Variants in SH2D1B observed in about 807,000 individuals in gnomAD.
SH2D1B encodes the protein SH2 domain-containing protein 1B.
Under a neutral mutation model 16.3 loss-of-function variants are expected in SH2D1B, and 11 were observed. The ratio of observed to expected loss-of-function variants is 0.67; its 90% CI spans 0.42 to 1.11. SH2D1B has a LOEUF of 1.11. SH2D1B is among the 50% of genes most tolerant of loss of function. The probability of loss-of-function intolerance (pLI) is 0.00; values close to 1 mark genes in which losing one functional copy is unlikely to be tolerated. For synonymous variants in SH2D1B, 55 were observed against 56.1 expected, an observed-to-expected ratio of 0.98 and a Z score of 0.09; for missense variants, 123 against 153.1, an observed-to-expected ratio of 0.80 and a Z score of 1.04.
At chr1:162,397,433 C>A in intron 3 of SH2D1B, 118 bp from the exon 4 acceptor site, 2 of 1,046,978 alleles carry the variant, frequency 1.9e-6, no homozygotes, top group Non-Finnish European at 2.9e-6. Context: ...ATGTTGATGC[C>A]ACCTGAAAGT....
chr1:162,409,866 C>T (rs72703857), intron 1 of SH2D1B, among the ~76,000 whole-genome samples: 34,613 of 152,022 alleles, frequency 0.23, 4,817 homozygotes, highest in Non-Finnish European at 0.3. Flanking sequence ...TGAGCCACCG[C>T]GCCTGGCCAA....
At chr1:162,408,078 C>T (rs998225648) in intron 1 of SH2D1B, among the ~76,000 whole-genome samples, 3 of 152,176 alleles carry the variant, frequency 2.0e-5, no homozygotes, top group Non-Finnish European at 4.4e-5. Flanking sequence ...TCTTTATTTT[C>T]CCCACTAGGC....
intron 1 of SH2D1B, among the ~76,000 whole-genome samples, chr1:162,407,640 G>A (rs1019834449): frequency 6.6e-6 from 1 of 152,172 alleles, no homozygotes; most frequent in Admixed American, 6.5e-5. Context: ...AAGACAAGCA[G>A]GCTAACACTT....
At chr1:162,398,217 C>T (rs1483175165) in intron 3 of SH2D1B, among the ~76,000 whole-genome samples, 1 of 152,190 alleles carries the variant, frequency 6.6e-6, no homozygotes, top group East Asian at 1.9e-4. Context: ...CATCACCTGC[C>T]ACTGATAACT....
intron 1 of SH2D1B, among the ~76,000 whole-genome samples, chr1:162,405,218 A>G (rs1648625353): frequency 6.6e-6 from 1 of 152,244 alleles, no homozygotes; most frequent in Non-Finnish European, 1.5e-5. Flanking sequence ...AAAAATACAC[A>G]TTAATCTATA....
chr1:162,408,614 C>T (rs1048681707), intron 1 of SH2D1B, among the ~76,000 whole-genome samples: 5 of 151,956 alleles, frequency 3.3e-5, no homozygotes, highest in African/African-American at 1.2e-4. Flanking sequence ...CAGAGTTTCA[C>T]CATGTTGGCC....
At chr1:162,403,776 C>T (rs1175332523) in intron 1 of SH2D1B, among the ~76,000 whole-genome samples, 1 of 149,480 alleles carries the variant, frequency 6.7e-6, no homozygotes, top group Non-Finnish European at 1.5e-5. Flanking sequence ...AAAATAAAAT[C>T]CTGTTACTTG....
chr1:162,403,511 A>AAAAAAAAAAAAT (rs1648579325), intron 1 of SH2D1B, among the ~76,000 whole-genome samples: 2 of 42,030 alleles, frequency 4.8e-5, no homozygotes, highest in East Asian at 1.6e-3. Flanking sequence ...AAAAAAAAAA[A>AAAAAAAAAAAAT]ATATATATAT....
At chr1:162,403,511 A>AATATATATATATAT (rs201259868) in intron 1 of SH2D1B, among the ~76,000 whole-genome samples, 1 of 42,030 alleles carries the variant, frequency 2.4e-5, no homozygotes, top group African/African-American at 1.1e-4. Flanking sequence ...AAAAAAAAAA[A>AATATATATATATAT]ATATATATAT....
intron 1 of SH2D1B, among the ~76,000 whole-genome samples, chr1:162,407,479 A>G (rs931135509): frequency 6.6e-6 from 1 of 152,248 alleles, no homozygotes; most frequent in African/African-American, 2.4e-5. Context: ...CTATTAAATA[A>G]GAAGCTACAG....
intron 2 of SH2D1B, among the ~76,000 whole-genome samples, chr1:162,399,496 A>T (rs1170266665): frequency 2.6e-5 from 4 of 152,194 alleles, no homozygotes; most frequent in Non-Finnish European, 4.4e-5. Context: ...AATTAAAAAA[A>T]ATTCCAACTG....
chr1:162,403,488 GAAAAAAAAA>G (rs1172751501), intron 1 of SH2D1B, among the ~76,000 whole-genome samples: 14 of 20,688 alleles, frequency 6.8e-4, no homozygotes, highest in African/African-American at 1.6e-3. Context: ...GACTCTGTCT[GAAAAAAAAA>G]AAAAAAAAAA....
rs938125936 is a variant in SH2D1B, at chr1:162,396,064, A to G, written c.*1216T>C. 2.0e-5 allele frequency: 3 copies of G among 152,352 alleles called. No individual in the cohort carries two copies. In the East Asian group the frequency reaches 5.8e-4, roughly 29 times the overall value. The allele number at this position is 152,352 out of a possible 1,614,324, so 9.4% of individuals were successfully genotyped here. ...TTGTCCTACCTACCAGACCCAGGGA[A>G]TAGTAGCCATAAATTGCTGTGACCC... is the stretch of plus-strand genomic sequence containing the variant. On this transcript the variant is annotated 3_prime_UTR_variant, in exon 4 of 4. Coordinates refer to ENST00000367929, the MANE Select transcript of SH2D1B (RefSeq NM_053282.5).
At chr1:162,404,725 C>T (rs66877709) in intron 1 of SH2D1B, among the ~76,000 whole-genome samples, 46,574 of 151,980 alleles carry the variant, frequency 0.31, 7,241 homozygotes, top group African/African-American at 0.33. Context: ...ATTAGTGAAA[C>T]GCAGATTCAA....
chr1:162,399,891 A>G (rs889048342), intron 2 of SH2D1B, among the ~76,000 whole-genome samples: 1 of 152,150 alleles, frequency 6.6e-6, no homozygotes, highest in African/African-American at 2.4e-5. Context: ...AGATTTTACC[A>G]TAAATGCTTC....
At chr1:162,400,853 C>G (rs537165223) in intron 2 of SH2D1B, among the ~76,000 whole-genome samples, 1 of 151,988 alleles carries the variant, frequency 6.6e-6, no homozygotes, top group Non-Finnish European at 1.5e-5. Flanking sequence ...GGAGGTTGAG[C>G]CAGGAGAATC....
chr1:162,411,944 C>T lies in SH2D1B; in HGVS notation c.73G>A (p.Asp25Asn). Reference protein sequence around the residue: ...CETLLLKEGVDGNFLLRDSES... With the variant: ...CETLLLKEGVNGNFLLRDSES... ...CTGTCTCTTAAAAGAAAGTTGCCATCCACCCCTTCCTTGAGCAGCAAGGTC... is the reference window on the plus strand; with the variant it reads ...CTGTCTCTTAAAAGAAAGTTGCCATTCACCCCTTCCTTGAGCAGCAAGGTC... The change falls in exon 1 of 4, where the codon GAT becomes AAT. Residue 25 changes from aspartate (D) to asparagine (N), a missense_variant. Asp to Asn is a conservative substitution (Grantham distance 23, BLOSUM62 1). Coordinates refer to ENST00000367929, the MANE Select transcript of SH2D1B (RefSeq NM_053282.5). 1 of 1,614,172 alleles carries T rather than the reference C, an allele frequency of 6.2e-7. No individual in the cohort carries two copies. Among genetic ancestry groups the T allele is most frequent in the Middle Eastern group, 1.7e-4 (1 of 6,056 alleles).
intron 1 of SH2D1B, among the ~76,000 whole-genome samples, chr1:162,407,123 A>T (rs1027365109): frequency 3.3e-5 from 5 of 152,244 alleles, no homozygotes; most frequent in African/African-American, 1.2e-4. Context: ...TCATCACTAA[A>T]TATTTAGCTC....
At chr1:162,397,752 T>C (rs1314017296) in intron 3 of SH2D1B, among the ~76,000 whole-genome samples, 1 of 152,164 alleles carries the variant, frequency 6.6e-6, no homozygotes, top group Non-Finnish European at 1.5e-5. Flanking sequence ...TTTCTGAGGG[T>C]TCTCCTCCTG....
Sources: allele counts gnomAD v4.1 joint callset (sites outside exome capture counted in the v4.1 genomes callset), GRCh38; gene constraint gnomAD v4.1.1; transcripts MANE v1.5; gene names NCBI Gene and HGNC (gene_info 2026-07-23, HGNC 2026-07-21).